PCBD2: variants seen among roughly 807,000 people sequenced by gnomAD.
PCBD2 encodes the protein pterin-4-alpha-carbinolamine dehydratase 2.
Under a neutral mutation model 16.4 loss-of-function variants are expected in PCBD2, and 12 were observed. That is an observed-to-expected ratio of 0.73 (90% CI 0.47 to 1.19). PCBD2 has a LOEUF of 1.19. Ranked by LOEUF, PCBD2 falls within the 50% of genes most tolerant of loss-of-function variation. The probability of loss-of-function intolerance (pLI) is 0.00; values close to 1 mark genes in which losing one functional copy is unlikely to be tolerated. For missense variants in PCBD2, 138 were observed against 156.8 expected (o/e 0.88, Z 0.64); for synonymous variants, 58 against 61.8 (o/e 0.94, Z 0.29).
At chr5:134,927,005 G>A (rs1246759824) in intron 2 of PCBD2, 3 of 398,362 alleles carry the variant, frequency 7.5e-6, no homozygotes, top group Non-Finnish European at 8.8e-6. Flanking sequence ...GTCCTTGAGA[G>A]AGAATTATGA....
chr5:134,944,277 T>C (rs1431956130), intron 2 of PCBD2, among the ~76,000 whole-genome samples: 1 of 152,186 alleles, frequency 6.6e-6, no homozygotes, highest in African/African-American at 2.4e-5. Context: ...GGAGAAACTT[T>C]GCAATTTGAA....
At chr5:134,948,125 A>T (rs1751319820) in intron 2 of PCBD2, among the ~76,000 whole-genome samples, 1 of 152,106 alleles carries the variant, frequency 6.6e-6, no homozygotes, top group African/African-American at 2.4e-5. Context: ...AGGAGAAAAG[A>T]ATGGGTAGAA....
At chr5:134,906,015 G>A (rs1159518284) in intron 1 of PCBD2, among the ~76,000 whole-genome samples, 1 of 151,476 alleles carries the variant, frequency 6.6e-6, no homozygotes, top group Non-Finnish European at 1.5e-5. Flanking sequence ...TGCGATTACA[G>A]GCGCGTGCCA....
intron 2 of PCBD2, chr5:134,927,123 G>GTT: frequency 5.0e-6 from 2 of 398,552 alleles, no homozygotes; most frequent in Non-Finnish European, 8.8e-6. Flanking sequence ...GCTTCAGGGG[G>GTT]TTTGGATGAG....
intron 2 of PCBD2, among the ~76,000 whole-genome samples, chr5:134,941,526 T>C (rs1751227177): frequency 6.6e-6 from 1 of 152,230 alleles, no homozygotes; most frequent in South Asian, 2.1e-4. Flanking sequence ...GCCTGGCTTT[T>C]AAAAGATATA....
intron 2 of PCBD2, among the ~76,000 whole-genome samples, chr5:134,939,570 C>T (rs1357745840): frequency 6.6e-6 from 1 of 152,162 alleles, no homozygotes; most frequent in Non-Finnish European, 1.5e-5. Context: ...CATGTACAGA[C>T]AACCTCCATT....
Position 134,905,146 on chromosome 5 carries a change from G to C in PCBD2, c.7G>C (p.Ala3Pro). Residue 3 changes from alanine (A) to proline (P), a missense_variant, in exon 1 of 4, where the codon GCG becomes CCG. Ala to Pro is a conservative substitution (Grantham distance 27). Transcript: ENST00000254908. ...AGCCCTCGGCAGACGGCCAATGGCG[G>C]CGGTGCTCGGGGCGCTCGGGGCGAC... MA[A>P]VLGALGATRR... 1 of 1,220,222 alleles carries C rather than the reference G, an allele frequency of 8.2e-7. No individual in the cohort carries two copies. The highest frequency in any genetic ancestry group is 1.0e-6 in the Non-Finnish European group (1 of 980,884). The allele number at this position is 1,220,222 out of a possible 1,614,324, so 75.6% of individuals were successfully genotyped here.
intron 2 of PCBD2, among the ~76,000 whole-genome samples, chr5:134,922,944 G>A (rs1041781805): frequency 6.6e-6 from 1 of 152,166 alleles, no homozygotes; most frequent in South Asian, 2.1e-4. Context: ...CCAAAGTGCT[G>A]GGATTACAGG....
At chr5:134,955,680 G>T (rs570599497) in intron 2 of PCBD2, among the ~76,000 whole-genome samples, 2 of 152,158 alleles carry the variant, frequency 1.3e-5, no homozygotes, top group Non-Finnish European at 2.9e-5. Context: ...CTAAACTCTT[G>T]TTGATTTCTA....
chr5:134,918,435 G>T (rs1234395850), intron 2 of PCBD2, among the ~76,000 whole-genome samples: 3 of 152,188 alleles, frequency 2.0e-5, no homozygotes, highest in Admixed American at 6.5e-5. Flanking sequence ...AACCCGGGAG[G>T]CGGAGGTTGC....
intron 2 of PCBD2, among the ~76,000 whole-genome samples, chr5:134,931,225 T>G (rs747317245): frequency 3.3e-5 from 5 of 152,184 alleles, no homozygotes; most frequent in East Asian, 3.8e-4. Flanking sequence ...TTTTGAATCA[T>G]AACTTGGTGG....
At chr5:134,918,012 C>T (rs1419174004) in intron 2 of PCBD2, among the ~76,000 whole-genome samples, 1 of 152,190 alleles carries the variant, frequency 6.6e-6, no homozygotes, top group African/African-American at 2.4e-5. Flanking sequence ...TAACAATCCT[C>T]CACAGAATAT....
intron 2 of PCBD2, among the ~76,000 whole-genome samples, chr5:134,934,316 G>A (rs1055758695): frequency 5.3e-5 from 8 of 152,006 alleles, no homozygotes; most frequent in African/African-American, 1.4e-4. Context: ...TCTTGGGCCC[G>A]ATGAATGACC....
At chr5:134,922,663 C>CTT (rs1428418013) in intron 2 of PCBD2, among the ~76,000 whole-genome samples, 13 of 135,864 alleles carry the variant, frequency 9.6e-5, no homozygotes, top group East Asian at 2.1e-4. Flanking sequence ...GAAGGAAAAT[C>CTT]TTTTTTTTTT....
At chr5:134,926,154 T>A (rs1391967340) in intron 2 of PCBD2, 2 of 322,144 alleles carry the variant, frequency 6.2e-6, no homozygotes, top group Non-Finnish European at 1.1e-5. Context: ...ATAGTGAGAA[T>A]TCTATGATGG....
chr5:134,938,406 T>G (rs925337651), intron 2 of PCBD2, among the ~76,000 whole-genome samples: 1 of 152,218 alleles, frequency 6.6e-6, no homozygotes, highest in Non-Finnish European at 1.5e-5. Context: ...ATGACCATTT[T>G]TTGTTTATAA....
intron 2 of PCBD2, chr5:134,927,242 G>A: frequency 2.5e-6 from 1 of 398,434 alleles, no homozygotes; most frequent in East Asian, 3.6e-5. Flanking sequence ...TGCCTCACAG[G>A]GATAGTACAA....
chr5:134,957,223 C>T (rs1004083781), intron 2 of PCBD2, among the ~76,000 whole-genome samples: 4 of 152,218 alleles, frequency 2.6e-5, no homozygotes, highest in Non-Finnish European at 5.9e-5. Context: ...AATCCCACTG[C>T]ACTCCAGCCT....
intron 2 of PCBD2, among the ~76,000 whole-genome samples, chr5:134,930,130 G>A (rs1190495346): frequency 6.6e-6 from 1 of 152,202 alleles, no homozygotes; most frequent in Non-Finnish European, 1.5e-5. Flanking sequence ...TAGTGGCAAA[G>A]TTAGGACAAG....
Sources: allele counts gnomAD v4.1 joint callset (sites outside exome capture counted in the v4.1 genomes callset), GRCh38; gene constraint gnomAD v4.1.1; transcripts MANE v1.5; gene names NCBI Gene and HGNC (gene_info 2026-07-23, HGNC 2026-07-21).